Variants in AGTPBP1 observed in about 807,000 individuals in gnomAD.
AGTPBP1 encodes the protein ATP/GTP binding carboxypeptidase 1, also known as cytosolic carboxypeptidase 1.
Under a neutral mutation model 143.9 loss-of-function variants are expected in AGTPBP1, and 70 were observed. The observed-to-expected ratio is 0.49, with a 90% CI of 0.40 to 0.59. The LOEUF is 0.59. AGTPBP1 is among the 20% of genes least tolerant of loss of function. AGTPBP1 has a pLI of 0.00. For synonymous variants in AGTPBP1, 463 were observed against 500.2 expected, an observed-to-expected ratio of 0.93 and a Z score of 0.99; for missense variants, 1,229 against 1,464.5, an observed-to-expected ratio of 0.84 and a Z score of 2.62.
rs1303327687 is a variant in AGTPBP1 at position 85,688,638 on chromosome 9, T to G, written c.157+4051A>C. 2.6e-5 allele frequency among the ~76,000 whole-genome samples: 4 copies of G among 152,256 alleles called. No homozygotes were observed. The South Asian group carries it at 8.3e-4, about 32-fold the overall frequency. ...AACCATGGGTCAACAAATTAACCAT[T>G]TGCATGAAAGTGGATAATAGAAATG... On this transcript the variant is annotated intron_variant, in intron 3 of 25. Coordinates refer to ENST00000357081, the MANE Select transcript of AGTPBP1 (RefSeq NM_001330701.2).
At chr9:85,669,644 G>C (rs1834358188) in intron 7 of AGTPBP1, 66 bp from the exon 8 acceptor site, 2 of 1,016,506 alleles carry the variant, frequency 2.0e-6, no homozygotes, top group African/African-American at 3.2e-5. Flanking sequence ...TGTATACTTA[G>C]TGATACATAG....
chr9:85,773,181 C>T, the AGTPBP1 span, among the ~76,000 whole-genome samples: 1 of 139,884 alleles, frequency 7.1e-6, no homozygotes, highest in Non-Finnish European at 1.5e-5. Flanking sequence ...AAGAGAATGG[C>T]ATGAACCTGG....
the AGTPBP1 span, chr9:85,764,588 A>T: frequency 3.9e-5 from 22 of 558,732 alleles, no homozygotes; most frequent in Non-Finnish European, 6.1e-5. Context: ...GGGAGAAAAC[A>T]ATAATGTAAA....
At chr9:85,632,627 C>T (rs921975725) in intron 14 of AGTPBP1, 35 bp downstream of exon 14, 60 of 1,513,916 alleles carry the variant, frequency 4.0e-5, no homozygotes, top group Non-Finnish European at 4.8e-5. Flanking sequence ...TTGACAATAG[C>T]CTTATTTAGA....
At chr9:85,674,709 G>C (rs1162690828) in intron 6 of AGTPBP1, among the ~76,000 whole-genome samples, 1 of 152,014 alleles carries the variant, frequency 6.6e-6, no homozygotes, top group African/African-American at 2.4e-5. Flanking sequence ...TCACTTCAGG[G>C]TTCCTTTCTT....
At chr9:85,723,402 C>T (rs972997792) in intron 1 of AGTPBP1, among the ~76,000 whole-genome samples, 1 of 152,192 alleles carries the variant, frequency 6.6e-6, no homozygotes, top group Non-Finnish European at 1.5e-5. Context: ...TCAGCAATGG[C>T]GGACGCCCCT....
In AGTPBP1 at chr9:85,619,128, A is replaced by G. The variant is rs1187499617; in HGVS notation, c.2190T>C (p.Asn730=). ...NLRKVIQIRK[N]EYDLILNSDI... ...CTGAGTTCAGAATAAGATCATATTC[A>G]TTTCTGAAAATAGAAGACAAAGAAA... The change falls in exon 17 of 26, where the codon AAT becomes AAC. Residue 730 remains asparagine, a synonymous_variant. Coordinates refer to ENST00000357081, the MANE Select transcript of AGTPBP1 (RefSeq NM_001330701.2). 1 of 1,612,210 alleles carries G rather than the reference A, an allele frequency of 6.2e-7. No individual in the cohort carries two copies. The highest frequency in any genetic ancestry group is 8.5e-7 in the Non-Finnish European group (1 of 1,179,054).
At chr9:85,619,389 C>T (rs537402312) in intron 15 of AGTPBP1, 88 bp from the exon 16 acceptor site, 3 of 890,578 alleles carry the variant, frequency 3.4e-6, no homozygotes, top group East Asian at 5.4e-5. Context: ...ATTAAAAATA[C>T]ATCACTACTG....
chr9:85,771,386 G>C, the AGTPBP1 span, among the ~76,000 whole-genome samples: 1 of 152,100 alleles, frequency 6.6e-6, no homozygotes, highest in Admixed American at 6.6e-5. Context: ...TGAGGCAGGA[G>C]GATCACATGA....
intron 11 of AGTPBP1, among the ~76,000 whole-genome samples, chr9:85,650,944 C>T (rs1466513224): frequency 6.6e-6 from 1 of 152,168 alleles, no homozygotes; most frequent in African/African-American, 2.4e-5. Context: ...TTCCTTCTCA[C>T]CTCTTCTGGG....
chr9:85,652,480 C>A (rs1440435425), intron 11 of AGTPBP1, among the ~76,000 whole-genome samples: 7 of 152,084 alleles, frequency 4.6e-5, no homozygotes, highest in African/African-American at 1.7e-4. Context: ...CCACTGCACT[C>A]CAGCCTGAAG....
intron 3 of AGTPBP1, among the ~76,000 whole-genome samples, chr9:85,686,880 C>T (rs562473001): frequency 6.6e-6 from 1 of 152,084 alleles, no homozygotes; most frequent in South Asian, 2.1e-4. Context: ...AAACAATTAG[C>T]AAAATGGCAG....
chr9:85,609,045 C>T (rs967619217), intron 17 of AGTPBP1, among the ~76,000 whole-genome samples: 3 of 152,018 alleles, frequency 2.0e-5, no homozygotes, highest in African/African-American at 7.2e-5. Context: ...GGAAAGAAAA[C>T]AAGAATAAAG....
At chr9:85,608,017 A>G (rs1196499461) in intron 17 of AGTPBP1, among the ~76,000 whole-genome samples, 1 of 152,122 alleles carries the variant, frequency 6.6e-6, no homozygotes, top group African/African-American at 2.4e-5. Flanking sequence ...TCCCAACCAA[A>G]GAAGAAATAA....
chr9:85,553,808 G>A (rs1018760462), intron 25 of AGTPBP1: 6 of 152,214 alleles, frequency 3.9e-5, no homozygotes, highest in Non-Finnish European at 7.3e-5. Flanking sequence ...AAAGGAACGT[G>A]AATTTTAGAG....
At chr9:85,763,921 C>T in the AGTPBP1 span, among the ~76,000 whole-genome samples, 2 of 151,994 alleles carry the variant, frequency 1.3e-5, no homozygotes, top group Non-Finnish European at 2.9e-5. Flanking sequence ...TACAAATTAC[C>T]TGAAATTTGA....
At position 85,692,684 on chromosome 9, in the gene AGTPBP1, T is replaced by C. The variant is rs535642754; in HGVS notation, c.157+5A>G. On this transcript the variant is annotated splice_donor_5th_base_variant and intron_variant, in intron 3 of 25. Coordinates refer to ENST00000357081, the MANE Select transcript of AGTPBP1 (RefSeq NM_001330701.2). ...TTCAAAAACAAAGAAGAGATCAATG[T>C]TTACCTTGACTCTGAGCCAGATGAA... The C allele has an allele frequency of 1.2e-5, 20 of 1,612,218 alleles. No homozygotes were observed. The highest frequency in any genetic ancestry group is 1.7e-5 in the Non-Finnish European group (20 of 1,179,562).
chr9:85,741,712 C>T, intron 1 of AGTPBP1, 63 bp downstream of exon 1: 2 of 1,270,414 alleles, frequency 1.6e-6, no homozygotes, highest in Admixed American at 4.2e-5. Flanking sequence ...TCGCATCTCC[C>T]GCGGCCCGGG....
chr9:85,781,851 T>C, the AGTPBP1 span, among the ~76,000 whole-genome samples: 1 of 152,192 alleles, frequency 6.6e-6, no homozygotes, highest in East Asian at 1.9e-4. Flanking sequence ...TGTAGATATG[T>C]AGATTTAGTG....
Sources: gnomAD v4.1 joint callset for allele counts (sites outside exome capture counted in the v4.1 genomes callset) on GRCh38, gnomAD v4.1.1 for gene constraint, MANE v1.5 for transcripts, NCBI Gene and HGNC (gene_info 2026-07-23, HGNC 2026-07-21) for gene names.